DCHS2: variants seen among roughly 807,000 people sequenced by gnomAD.
DCHS2 encodes the protein protocadherin-23.
In DCHS2, 142 loss-of-function variants were observed where a neutral mutation model predicts 182.4. The ratio of observed to expected loss-of-function variants is 0.78; its 90% CI spans 0.68 to 0.89. The LOEUF is 0.89. Among genes scored for constraint, DCHS2 ranks in the 40% least tolerant of loss-of-function variants. The pLI is 0.00. For synonymous variants in DCHS2, 1,740 were observed against 1,663.3 expected, an observed-to-expected ratio of 1.05 and a Z score of -1.12; for missense variants, 4,319 against 4,198.6, an observed-to-expected ratio of 1.03 and a Z score of -0.79.
At position 154,268,862 on chromosome 4, in the gene DCHS2, G is replaced by A. The variant is rs536302111; in HGVS notation, c.6577+1038C>T. Among the ~76,000 whole-genome samples, 787 of 152,276 alleles carry A rather than the reference G, an allele frequency of 5.2e-3. 10 individuals carry two copies. The highest frequency in any genetic ancestry group is 0.018 in the African/African-American group (733 of 41,546). ...ATCTGCATTTTAATGATGGACTGTAGAAGAAATAAGACCAGGTCTGGGCCA... is the reference window on the plus strand; with the variant it reads ...ATCTGCATTTTAATGATGGACTGTAAAAGAAATAAGACCAGGTCTGGGCCA... On this transcript the variant is annotated intron_variant, in intron 14 of 19. Coordinates refer to ENST00000357232, the MANE Select transcript of DCHS2 (RefSeq NM_001358235.2).
At chr4:154,290,015 A>C (rs1734579514) in intron 13 of DCHS2, among the ~76,000 whole-genome samples, 1 of 152,130 alleles carries the variant, frequency 6.6e-6, no homozygotes. Context: ...TCTTGTTTGC[A>C]GATGATATGA....
intron 2 of DCHS2, among the ~76,000 whole-genome samples, chr4:154,368,976 T>C (rs1021628609): frequency 6.6e-6 from 1 of 152,210 alleles, no homozygotes; most frequent in Non-Finnish European, 1.5e-5. Flanking sequence ...TAAAATGTGG[T>C]GTGTACATTC....
chr4:154,354,788 C>T (rs1392611717), intron 3 of DCHS2: 1 of 152,152 alleles, frequency 6.6e-6, no homozygotes, highest in Non-Finnish European at 1.5e-5. Context: ...TCCAGTAGTC[C>T]ATACTCTCTA....
rs113707628 is a variant in DCHS2 at position 154,483,128 on chromosome 4, G to A, written c.2052+6176C>T. On this transcript the variant is annotated intron_variant, in intron 1 of 19. Coordinates refer to ENST00000357232, the MANE Select transcript of DCHS2 (RefSeq NM_001358235.2). ...AGTGTGTGGGGCAGGGGGAGATATAGTTGGAGAGATCTACTGTTGGTAATA... is the reference window on the plus strand; with the variant it reads ...AGTGTGTGGGGCAGGGGGAGATATAATTGGAGAGATCTACTGTTGGTAATA... Among the ~76,000 whole-genome samples the A allele has an allele frequency of 5.2e-3, 796 of 152,264 alleles. 4 individuals are homozygous for A. Among genetic ancestry groups the A allele is most frequent in the African/African-American group, 0.018 (735 of 41,534 alleles).
In DCHS2 at chr4:154,302,983, A is replaced by T. The variant is rs200394158; in HGVS notation, c.5605+1686T>A. Among the ~76,000 whole-genome samples the T allele has an allele frequency of 7.1e-3, 741 of 103,712 alleles. 24 individuals are homozygous for T. Among genetic ancestry groups the T allele is most frequent in the African/African-American group, 0.016 (466 of 28,330 alleles). The allele number at this position is 103,712 out of a possible 152,430, so 68.0% of individuals were successfully genotyped here. A position where few individuals can be genotyped will look rare whatever the true frequency, so the allele number is the denominator to read the frequency against. ...CACACACACACCCACACACACACATATTTTTTTTTTTTTTTGAGACAAAGT... is the reference window on the plus strand; with the variant it reads ...CACACACACACCCACACACACACATTTTTTTTTTTTTTTTTGAGACAAAGT... On this transcript the variant is annotated intron_variant, in intron 12 of 19. Coordinates refer to ENST00000357232, the MANE Select transcript of DCHS2 (RefSeq NM_001358235.2).
intron 1 of DCHS2, among the ~76,000 whole-genome samples, chr4:154,467,730 G>T (rs1423255499): frequency 6.6e-6 from 1 of 152,034 alleles, no homozygotes; most frequent in Non-Finnish European, 1.5e-5. Flanking sequence ...ACACCTAATG[G>T]CAATTTTGAA....
chr4:154,371,513 G>C (rs949609124), intron 2 of DCHS2, among the ~76,000 whole-genome samples: 2 of 152,078 alleles, frequency 1.3e-5, no homozygotes, highest in Non-Finnish European at 2.9e-5. Context: ...AGTTCCAAAG[G>C]GCATGGTAGA....
intron 4 of DCHS2, chr4:154,333,913 T>A (rs149940847): frequency 1.1e-5 from 2 of 174,012 alleles, no homozygotes; most frequent in African/African-American, 4.7e-5. Context: ...GATTGTATAT[T>A]CTCCATCTAC....
At chr4:154,388,490 T>C (rs1161588912) in intron 1 of DCHS2, among the ~76,000 whole-genome samples, 1 of 139,080 alleles carries the variant, frequency 7.2e-6, no homozygotes, top group Non-Finnish European at 1.5e-5. Flanking sequence ...CAAAAATAGA[T>C]GTAATTTTTT....
chr4:154,263,698 A>G (rs1315787210), intron 14 of DCHS2, among the ~76,000 whole-genome samples: 3 of 152,050 alleles, frequency 2.0e-5, no homozygotes, highest in African/African-American at 2.4e-5. Flanking sequence ...AAAAAAAAAA[A>G]AAAAGAAAAC....
At chr4:154,299,318 A>G (rs1323972158) in intron 12 of DCHS2, among the ~76,000 whole-genome samples, 2 of 152,234 alleles carry the variant, frequency 1.3e-5, no homozygotes, top group African/African-American at 4.8e-5. Context: ...AAATAAGGAC[A>G]TTGTTCTATT....
intron 1 of DCHS2, among the ~76,000 whole-genome samples, chr4:154,417,202 TGTGAGA>T (rs1732886502): frequency 7.1e-5 from 3 of 42,018 alleles, no homozygotes; most frequent in East Asian, 1.9e-3. Flanking sequence ...TGTGTGTGTG[TGTGAGA>T]GAGAGAGAGA....
rs753027494 is a variant in DCHS2 at position 154,332,756 on chromosome 4, T to C, written c.3452A>G (p.Glu1151Gly). The C allele has an allele frequency of 8.4e-5, 136 of 1,614,098 alleles. No homozygotes were observed. The highest frequency in any genetic ancestry group is 1.2e-4 in the Non-Finnish European group (136 of 1,180,048). Residue 1151 changes from glutamate to glycine, a missense_variant, in exon 5 of 20, where the codon GAA becomes GGA. Glu to Gly is a moderately conservative substitution (Grantham distance 98). Transcript: ENST00000357232. ...TCTAAAATTATATGTTTGGGTGGAT[T>C]CATAGTCAAACTGTCGCCGCAAATA... ...WIYLRRQFDY[E>G]STQTYNFRVF...
Position 154,233,071 on chromosome 4 carries a change from G to A in DCHS2, c.*1465C>T, listed in dbSNP as rs1731267781. 1.3e-5 allele frequency: 2 copies of A among 152,130 alleles called. No individual in the cohort carries two copies. Among genetic ancestry groups the A allele is most frequent in the Non-Finnish European group, 2.9e-5 (2 of 68,030 alleles). The allele number at this position is 152,130 out of a possible 1,614,324, so 9.4% of individuals were successfully genotyped here. On this transcript the variant is annotated 3_prime_UTR_variant, in exon 20 of 20. Transcript: ENST00000357232. ...CAAAATTTCACAGATGAGGCCTATGGAAGAAGAACACAAAGGAACTATATC... is the reference window on the plus strand; with the variant it reads ...CAAAATTTCACAGATGAGGCCTATGAAAGAAGAACACAAAGGAACTATATC...
chr4:154,286,325 T>C (rs1734396629), intron 13 of DCHS2, among the ~76,000 whole-genome samples: 1 of 151,956 alleles, frequency 6.6e-6, no homozygotes, highest in South Asian at 2.1e-4. Flanking sequence ...ATCAGTACCA[T>C]CCAGGAAAAC....
At chr4:154,371,676 T>C (rs1374162104) in intron 2 of DCHS2, among the ~76,000 whole-genome samples, 1 of 152,152 alleles carries the variant, frequency 6.6e-6, no homozygotes, top group Non-Finnish European at 1.5e-5. Flanking sequence ...AGCTTCAGCT[T>C]CTGGGAAGGC....
At chr4:154,362,966 C>T (rs1296549453) in intron 3 of DCHS2, among the ~76,000 whole-genome samples, 3 of 152,166 alleles carry the variant, frequency 2.0e-5, no homozygotes, top group Non-Finnish European at 4.4e-5. Context: ...CAGTGATAGG[C>T]TATTAGCAGT....
chr4:154,242,911 C>A, intron 16 of DCHS2, 139 bp from the exon 17 acceptor site: 2 of 1,273,140 alleles, frequency 1.6e-6, no homozygotes, highest in Non-Finnish European at 1.0e-6. Flanking sequence ...TTCTAAATGG[C>A]ATCATTTAAA....
At chr4:154,407,321 A>T (rs899590508) in intron 1 of DCHS2, among the ~76,000 whole-genome samples, 1 of 152,096 alleles carries the variant, frequency 6.6e-6, no homozygotes, top group African/African-American at 2.4e-5. Flanking sequence ...TTAATTTGCT[A>T]TTGAAAGGTT....
Sources: allele counts gnomAD v4.1 joint callset (sites outside exome capture counted in the v4.1 genomes callset), GRCh38; gene constraint gnomAD v4.1.1; transcripts MANE v1.5; gene names NCBI Gene and HGNC (gene_info 2026-07-23, HGNC 2026-07-21).